The following BTBD9 variants were observed in gnomAD, a reference collection of about 807,000 sequenced individuals.
BTBD9 encodes the protein BTB domain containing 9.
A neutral mutation model predicts 64.3 loss-of-function variants in BTBD9; 49 were observed. That is an observed-to-expected ratio of 0.76 (90% CI 0.61 to 0.97). The LOEUF (loss-of-function observed/expected upper bound fraction) is 0.97, where lower values mean the gene tolerates loss of function less well. BTBD9 is among the 50% of genes least tolerant of loss of function. The probability of loss-of-function intolerance (pLI) is 0.00; values close to 1 mark genes in which losing one functional copy is unlikely to be tolerated. For synonymous variants in BTBD9, 260 were observed against 274.7 expected (o/e 0.95, Z 0.53); for missense variants, 598 against 762.1 (o/e 0.78, Z 2.53).
rs554482620 is a variant in BTBD9 at position 38,544,187 on chromosome 6, T to C, written c.1154+33413A>G. 3.6e-4 allele frequency among the ~76,000 whole-genome samples: 55 copies of C among 152,268 alleles called. 1 individual carries two copies. The highest frequency in any genetic ancestry group is 1.2e-3 in the African/African-American group (51 of 41,548). Reference sequence around the variant, plus strand: ...AACTATTTACATAGTATTCACCTCATATTAGGTATTATAAGTAATCCAGAG... The same window carrying C: ...AACTATTTACATAGTATTCACCTCACATTAGGTATTATAAGTAATCCAGAG... On this transcript the variant is annotated intron_variant, in intron 6 of 10. Transcript: ENST00000481247.
Position 38,191,888 on chromosome 6 carries a change from G to A in BTBD9, c.1641+631C>T, listed in dbSNP as rs1009750860. Among the ~76,000 whole-genome samples the A allele has an allele frequency of 5.3e-5, 8 of 152,252 alleles. No individual in the cohort carries two copies. The East Asian group carries it at 1.5e-3, about 29-fold the overall frequency. On this transcript the variant is annotated intron_variant, in intron 10 of 10. Transcript: ENST00000481247. ...AAGACCCTAAGCATTTCAAGATGGT[G>A]CCACAGAGCATTAAACCTCAAGCAC...
chr6:38,492,039 G>C (rs990079994), intron 6 of BTBD9, among the ~76,000 whole-genome samples: 1 of 152,194 alleles, frequency 6.6e-6, no homozygotes, highest in South Asian at 2.1e-4. Flanking sequence ...CTCCATTATT[G>C]TTTACTCTGT....
At chr6:38,323,330 G>C (rs1763305572) in intron 7 of BTBD9, among the ~76,000 whole-genome samples, 1 of 151,982 alleles carries the variant, frequency 6.6e-6, no homozygotes, top group Non-Finnish European at 1.5e-5. Context: ...CTTGTCTTTA[G>C]GCTCAAAGAA....
At chr6:38,522,991 T>A (rs1773334884) in intron 6 of BTBD9, among the ~76,000 whole-genome samples, 1 of 152,138 alleles carries the variant, frequency 6.6e-6, no homozygotes, top group South Asian at 2.1e-4. Flanking sequence ...GAGACCAACC[T>A]GGCCAACATG....
intron 6 of BTBD9, among the ~76,000 whole-genome samples, chr6:38,417,801 A>AGAGAGAGAGAGAGAGAGAGAGAG (rs56268245): frequency 0.026 from 3,542 of 136,470 alleles, 107 homozygotes; most frequent in African/African-American, 0.062. Context: ...AGAGAGAGAG[A>AGAGAGAGAGAGAGAGAGAGAGAG]AAAAAAATAT....
At chr6:38,192,393 C>T (rs1270073511) in intron 10 of BTBD9, 126 bp downstream of exon 10, 2 of 816,800 alleles carry the variant, frequency 2.4e-6, no homozygotes, top group African/African-American at 1.7e-5. Flanking sequence ...GGACTTTCTC[C>T]ACACCAAGCT....
chr6:38,238,640 T>A (rs1219091395), intron 9 of BTBD9, among the ~76,000 whole-genome samples: 10 of 151,712 alleles, frequency 6.6e-5, no homozygotes, highest in African/African-American at 2.4e-4. Flanking sequence ...GCCCAGCTAA[T>A]TTTTTTGTAT....
rs144130317 is a variant in BTBD9 at position 38,496,133 on chromosome 6, C to T, written c.1154+81467G>A. ...CTCTGTGCTCTGTCACTGGCAAGAA[C>T]AGGAAAAACACTTGGGGCAAGCAAG... On this transcript the variant is annotated intron_variant, in intron 6 of 10. Transcript: ENST00000481247. Among the ~76,000 whole-genome samples, 3 of 152,270 alleles carry T rather than the reference C, an allele frequency of 2.0e-5. No homozygotes were observed. The East Asian group carries it at 5.8e-4, about 29-fold the overall frequency.
At chr6:38,467,631 C>A (rs1770456690) in intron 6 of BTBD9, among the ~76,000 whole-genome samples, 1 of 152,202 alleles carries the variant, frequency 6.6e-6, no homozygotes, top group Admixed American at 6.5e-5. Flanking sequence ...TTTTCACCTG[C>A]CTCTGGGACA....
chr6:38,426,638 A>G (rs1026576360), intron 6 of BTBD9, among the ~76,000 whole-genome samples: 2 of 151,810 alleles, frequency 1.3e-5, no homozygotes, highest in African/African-American at 4.9e-5. Context: ...GCCACTCCCG[A>G]TTGGGCTAAA....
chr6:38,419,084 T>C (rs902190778), intron 6 of BTBD9, among the ~76,000 whole-genome samples: 3 of 152,208 alleles, frequency 2.0e-5, no homozygotes, highest in Non-Finnish European at 2.9e-5. Context: ...GATCAGTAAA[T>C]AGCTGTGTGT....
chr6:38,310,770 ACAAT>A (rs1260132549), intron 7 of BTBD9, among the ~76,000 whole-genome samples: 13 of 151,892 alleles, frequency 8.6e-5, no homozygotes, highest in Non-Finnish European at 1.6e-4. Context: ...TGTGTTACAA[ACAAT>A]CCAATTATAC....
chr6:38,543,242 C>G (rs1023729617), intron 6 of BTBD9, among the ~76,000 whole-genome samples: 1 of 152,158 alleles, frequency 6.6e-6, no homozygotes, highest in Non-Finnish European at 1.5e-5. Flanking sequence ...CAGAGGTATT[C>G]CCCTACTTCC....
At chr6:38,194,032 C>G (rs1762189652) in intron 9 of BTBD9, among the ~76,000 whole-genome samples, 1 of 152,058 alleles carries the variant, frequency 6.6e-6, no homozygotes, top group Non-Finnish European at 1.5e-5. Context: ...GAAGGTGACG[C>G]CATCTGACCA....
At chr6:38,419,053 T>C (rs946478123) in intron 6 of BTBD9, among the ~76,000 whole-genome samples, 1 of 152,200 alleles carries the variant, frequency 6.6e-6, no homozygotes, top group African/African-American at 2.4e-5. Context: ...TCTTACAAAA[T>C]AGCAAGACAG....
At chr6:38,636,684 C>A (rs770524909) in intron 1 of BTBD9, among the ~76,000 whole-genome samples, 3 of 152,156 alleles carry the variant, frequency 2.0e-5, no homozygotes, top group Non-Finnish European at 2.9e-5. Context: ...AATCTGCACA[C>A]GAACTGTCAA....
At chr6:38,401,881 G>C (rs1050357216) in intron 6 of BTBD9, among the ~76,000 whole-genome samples, 5 of 152,144 alleles carry the variant, frequency 3.3e-5, no homozygotes, top group South Asian at 2.1e-4. Flanking sequence ...CACCTAGTAA[G>C]TGTTCAACAA....
chr6:38,176,475 T>C (rs1456706669), intron 10 of BTBD9, among the ~76,000 whole-genome samples: 2 of 152,224 alleles, frequency 1.3e-5, no homozygotes, highest in African/African-American at 4.8e-5. Context: ...TCTCTCCTTA[T>C]AGGGCAGGGG....
At chr6:38,573,370 T>G (rs1425657203) in intron 6 of BTBD9, among the ~76,000 whole-genome samples, 1 of 152,128 alleles carries the variant, frequency 6.6e-6, no homozygotes, top group Non-Finnish European at 1.5e-5. Context: ...TGATAATTTT[T>G]TAAAAAAGGA....
Sources: gnomAD v4.1 joint callset for allele counts (sites outside exome capture counted in the v4.1 genomes callset) on GRCh38, gnomAD v4.1.1 for gene constraint, MANE v1.5 for transcripts, NCBI Gene and HGNC (gene_info 2026-07-23, HGNC 2026-07-21) for gene names.